The following PDZD2 variants were observed in gnomAD, a reference collection of about 807,000 sequenced individuals.
PDZD2 encodes PDZ domain-containing protein 2.
Under a neutral mutation model 220.7 loss-of-function variants are expected in PDZD2, and 90 were observed. That is an observed-to-expected ratio of 0.41 (90% CI 0.34 to 0.49). The LOEUF (loss-of-function observed/expected upper bound fraction) is 0.49. PDZD2 is among the 20% of genes least tolerant of loss of function. PDZD2 has a pLI of 0.28. For synonymous variants in PDZD2, 1,375 were observed against 1,450.5 expected (o/e 0.95, Z 1.18); for missense variants, 3,174 against 3,608.5 (o/e 0.88, Z 3.08).
At chr5:31,689,353 A>ATATATATATATATATATATATT in intron 1 of PDZD2, among the ~76,000 whole-genome samples, 1 of 35,122 alleles carries the variant, frequency 2.8e-5, no homozygotes, top group African/African-American at 2.1e-4. Flanking sequence ...ATATATATAT[A>ATATATATATATATATATATATT]TTTTTTTTTT....
chr5:31,709,452 C>A (rs1296120808), intron 1 of PDZD2, among the ~76,000 whole-genome samples: 16 of 151,158 alleles, frequency 1.1e-4, no homozygotes, highest in Admixed American at 1.1e-3. Context: ...CACTGCACTG[C>A]AGCCTGGGTG....
At chr5:31,997,450 T>A (rs1244304193) in intron 4 of PDZD2, among the ~76,000 whole-genome samples, 1 of 152,236 alleles carries the variant, frequency 6.6e-6, no homozygotes, top group African/African-American at 2.4e-5. Flanking sequence ...GTTAGTTGTC[T>A]GGGTGGTAGT....
chr5:31,871,270 C>T (rs1170064006), intron 2 of PDZD2, among the ~76,000 whole-genome samples: 1 of 152,088 alleles, frequency 6.6e-6, no homozygotes, highest in Non-Finnish European at 1.5e-5. Context: ...GCCCCCAAAA[C>T]GTTTTCAGCT....
intron 2 of PDZD2, among the ~76,000 whole-genome samples, chr5:31,857,492 AGG>A (rs1758561205): frequency 6.6e-6 from 1 of 152,174 alleles, no homozygotes; most frequent in African/African-American, 2.4e-5. Flanking sequence ...AGGTTGACAT[AGG>A]TTGCATGGAG....
intron 2 of PDZD2, among the ~76,000 whole-genome samples, chr5:31,982,408 A>G (rs1210917353): frequency 1.3e-5 from 2 of 152,178 alleles, no homozygotes; most frequent in Admixed American, 6.5e-5. Flanking sequence ...CCCAGGCCCA[A>G]GTGATCCTCC....
At chr5:31,862,839 G>A (rs1431356170) in intron 2 of PDZD2, among the ~76,000 whole-genome samples, 1 of 152,212 alleles carries the variant, frequency 6.6e-6, no homozygotes, top group South Asian at 2.1e-4. Context: ...TGATTCTTCT[G>A]CCTCAGCCTC....
intron 2 of PDZD2, among the ~76,000 whole-genome samples, chr5:31,854,272 A>T (rs1346092173): frequency 6.6e-6 from 1 of 152,196 alleles, no homozygotes; most frequent in Non-Finnish European, 1.5e-5. Flanking sequence ...AGCTGGAGCG[A>T]TGGCTGCAGG....
At chr5:31,804,355 T>G (rs1194048479) in intron 2 of PDZD2, among the ~76,000 whole-genome samples, 2 of 152,256 alleles carry the variant, frequency 1.3e-5, no homozygotes, top group Non-Finnish European at 2.9e-5. Context: ...CCTGTGCTCC[T>G]ATTGCCTTAT....
intron 5 of PDZD2, among the ~76,000 whole-genome samples, chr5:32,003,236 CT>C (rs140629041): frequency 0.99 from 114,246 of 115,694 alleles, 56,403 homozygotes; most frequent in Non-Finnish European, 1. Flanking sequence ...CAACATATAC[CT>C]TCACACACAC....
intron 1 of PDZD2, among the ~76,000 whole-genome samples, chr5:31,774,509 T>G (rs931988395): frequency 6.6e-6 from 1 of 151,782 alleles, no homozygotes; most frequent in Non-Finnish European, 1.5e-5. Context: ...AGGTCAGGAG[T>G]TCGAGACCAG....
rs530488576 is a variant in PDZD2, at chr5:32,039,307, G to A, written c.1519+1965G>A. 1.8e-4 allele frequency among the ~76,000 whole-genome samples: 28 copies of A among 151,868 alleles called. No individual in the cohort carries two copies. The South Asian group carries it at 2.1e-3, about 11-fold the overall frequency. The stretch of plus-strand genomic sequence containing the variant: ...TTTTTGGTGGAGACGGGGTTTCGCC[G>A]CGTTGACCGGGCTGGTCTCCAGCTC... On this transcript the variant is annotated intron_variant, in intron 7 of 24. Transcript: ENST00000438447.
intron 1 of PDZD2, among the ~76,000 whole-genome samples, chr5:31,697,811 A>G (rs1747437168): frequency 6.6e-6 from 1 of 152,194 alleles, no homozygotes; most frequent in Non-Finnish European, 1.5e-5. Flanking sequence ...TCTGGTTGGG[A>G]TGCCCTGGCA....
chr5:31,833,000 A>G (rs891182854), intron 2 of PDZD2, among the ~76,000 whole-genome samples: 2 of 152,104 alleles, frequency 1.3e-5, no homozygotes, highest in Non-Finnish European at 2.9e-5. Context: ...AGCAGGCCTG[A>G]CCAACCCACT....
At chr5:31,702,863 T>C (rs1221242872) in intron 1 of PDZD2, among the ~76,000 whole-genome samples, 1 of 152,242 alleles carries the variant, frequency 6.6e-6, no homozygotes, top group Non-Finnish European at 1.5e-5. Flanking sequence ...TTTAATAGAA[T>C]TGCAAGTTTT....
chr5:31,654,279 C>T (rs1745461238), intron 1 of PDZD2, among the ~76,000 whole-genome samples: 1 of 152,170 alleles, frequency 6.6e-6, no homozygotes, highest in Non-Finnish European at 1.5e-5. Flanking sequence ...TTGAAACACT[C>T]CTTACCTTGG....
intron 2 of PDZD2, among the ~76,000 whole-genome samples, chr5:31,867,345 A>T (rs1738319722): frequency 6.6e-6 from 1 of 152,032 alleles, no homozygotes; most frequent in Non-Finnish European, 1.5e-5. Context: ...CCACCTTTAA[A>T]CTTCAGAGCA....
intron 2 of PDZD2, among the ~76,000 whole-genome samples, chr5:31,951,710 C>T (rs533600942): frequency 7.9e-5 from 12 of 152,214 alleles, no homozygotes; most frequent in East Asian, 1.9e-4. Context: ...GGTAGAAGTT[C>T]GCGTAGTGTC....
chr5:31,865,822 T>A (rs1413671341), intron 2 of PDZD2, among the ~76,000 whole-genome samples: 1 of 150,544 alleles, frequency 6.6e-6, no homozygotes, highest in Admixed American at 6.6e-5. Flanking sequence ...TAGTAGAGGC[T>A]GGGTTTCACC....
intron 6 of PDZD2, among the ~76,000 whole-genome samples, chr5:32,035,553 G>A (rs1395154134): frequency 1.3e-5 from 2 of 151,734 alleles, no homozygotes; most frequent in African/African-American, 2.4e-5. Context: ...GGCTGCTGAT[G>A]TTGACCTCCT....
Sources: gnomAD v4.1 joint callset for allele counts (sites outside exome capture counted in the v4.1 genomes callset) on GRCh38, gnomAD v4.1.1 for gene constraint, MANE v1.5 for transcripts, NCBI Gene and HGNC (gene_info 2026-07-23, HGNC 2026-07-21) for gene names.